The following KPNA7 variants were observed in gnomAD, a reference collection of about 807,000 sequenced individuals.
The protein encoded by KPNA7 is importin subunit alpha-8.
In KPNA7, 54 loss-of-function variants were observed where a neutral mutation model predicts 53.7. The observed-to-expected ratio is 1.01, with a 90% confidence interval of 0.81 to 1.26. KPNA7 has a LOEUF of 1.26. Among genes scored for constraint, KPNA7 ranks in the 50% most tolerant of loss-of-function variants. The probability of loss-of-function intolerance (pLI) is 0.00; values close to 1 mark genes in which losing one functional copy is unlikely to be tolerated. For missense variants in KPNA7, 640 were observed against 644.5 expected (o/e 0.99, Z 0.07); for synonymous variants, 276 against 259.3 (o/e 1.06, Z -0.62).
chr7:99,218,694 C>A (rs1791272794), intron 1 of KPNA7, among the ~76,000 whole-genome samples: 1 of 152,218 alleles, frequency 6.6e-6, no homozygotes, highest in Non-Finnish European at 1.5e-5. Flanking sequence ...TCAACAGAGA[C>A]AACAGCCTAG....
chr7:99,196,557 C>T (rs376112515), intron 3 of KPNA7, among the ~76,000 whole-genome samples: 3 of 152,120 alleles, frequency 2.0e-5, no homozygotes, highest in Admixed American at 6.6e-5. Flanking sequence ...CAAAGGCTTG[C>T]GGCCAATTGT....
chr7:99,164,783 C>T, the KPNA7 span, among the ~76,000 whole-genome samples: 8,408 of 152,160 alleles, frequency 0.055, 324 homozygotes, highest in South Asian at 0.12. Context: ...TTTCTTCTGT[C>T]CCCAGCCCCT....
At chr7:99,212,500 C>T (rs1454605158), upstream of KPNA7, among the ~76,000 whole-genome samples, 3 of 151,838 alleles carry the variant, frequency 2.0e-5, no homozygotes, top group Non-Finnish European at 2.9e-5. Context: ...GTGGCCCACC[C>T]GCCTCGGTCC....
chr7:99,193,970 G>A (rs768913762), intron 5 of KPNA7, among the ~76,000 whole-genome samples: 3 of 152,108 alleles, frequency 2.0e-5, no homozygotes, highest in East Asian at 1.9e-4. Context: ...GAGTCACTAC[G>A]CCAAGCCTCT....
At chr7:99,203,370 C>A in intron 2 of KPNA7, 130 bp from the exon 3 acceptor site, 1 of 848,684 alleles carries the variant, frequency 1.2e-6, no homozygotes, top group Admixed American at 2.5e-5. Flanking sequence ...TCAGATCACA[C>A]AGTTAGTAAA....
At chr7:99,152,645 A>G in the KPNA7 span, among the ~76,000 whole-genome samples, 1 of 152,216 alleles carries the variant, frequency 6.6e-6, no homozygotes, top group Admixed American at 6.5e-5. Context: ...TATCTTTGGT[A>G]ACTTTATTTC....
chr7:99,217,423 C>T (rs373486964), intron 1 of KPNA7, among the ~76,000 whole-genome samples: 4 of 152,122 alleles, frequency 2.6e-5, no homozygotes, highest in African/African-American at 7.2e-5. Context: ...TTCGAGCTAG[C>T]GAGTCAATGA....
chr7:99,163,241 T>A, the KPNA7 span, among the ~76,000 whole-genome samples: 1 of 151,002 alleles, frequency 6.6e-6, no homozygotes, highest in Non-Finnish European at 1.5e-5. Context: ...AAAATTATTG[T>A]ATTGAAGTCA....
At chr7:99,198,375 A>C (rs1253439949) in intron 3 of KPNA7, among the ~76,000 whole-genome samples, 2 of 152,198 alleles carry the variant, frequency 1.3e-5, no homozygotes, top group Non-Finnish European at 2.9e-5. Flanking sequence ...AAAATTCAAC[A>C]AAATAGGAGG....
At chr7:99,152,813 G>A in the KPNA7 span, among the ~76,000 whole-genome samples, 1 of 152,180 alleles carries the variant, frequency 6.6e-6, no homozygotes, top group East Asian at 1.9e-4. Context: ...GGCCTGTGAT[G>A]TCTTCTCTGA....
intron 2 of KPNA7, among the ~76,000 whole-genome samples, chr7:99,204,319 C>G (rs1480128816): frequency 1.3e-5 from 2 of 151,892 alleles, no homozygotes; most frequent in Admixed American, 1.3e-4. Context: ...CTGCAGTGAG[C>G]TACGATTGTA....
intron 1 of KPNA7, among the ~76,000 whole-genome samples, chr7:99,214,307 G>A (rs1166662574): frequency 1.3e-5 from 2 of 151,640 alleles, no homozygotes; most frequent in African/African-American, 2.4e-5. Flanking sequence ...GCCAGGGATG[G>A]TGGCATGTGC....
the KPNA7 span, among the ~76,000 whole-genome samples, chr7:99,158,288 A>T: frequency 1.7e-4 from 26 of 152,122 alleles, no homozygotes; most frequent in Non-Finnish European, 2.6e-4. Flanking sequence ...TTTAAACTGG[A>T]TCAGTTTTCT....
At chr7:99,216,564 C>T (rs1412623272) in intron 1 of KPNA7, among the ~76,000 whole-genome samples, 1 of 28,828 alleles carries the variant, frequency 3.5e-5, no homozygotes, top group African/African-American at 4.9e-5. Flanking sequence ...CTTACCAACA[C>T]CCTCTTTTTT....
chr7:99,158,165 A>G, the KPNA7 span, among the ~76,000 whole-genome samples: 5 of 151,770 alleles, frequency 3.3e-5, no homozygotes, highest in African/African-American at 7.3e-5. Flanking sequence ...GATTACAGGA[A>G]TGAGCCACCA....
the KPNA7 span, among the ~76,000 whole-genome samples, chr7:99,159,667 A>T: frequency 1.3e-5 from 2 of 152,206 alleles, no homozygotes; most frequent in Non-Finnish European, 2.9e-5. Flanking sequence ...ATTTCTCTAA[A>T]AGGACTTTAT....
intron 9 of KPNA7, among the ~76,000 whole-genome samples, chr7:99,179,582 T>A (rs1206097544): frequency 6.6e-6 from 1 of 150,860 alleles, no homozygotes; most frequent in East Asian, 1.9e-4. Context: ...TTTATATTAT[T>A]TATATTTTTA....
downstream of KPNA7, among the ~76,000 whole-genome samples, chr7:99,173,062 C>CAAAAAAAAA (rs923484332): frequency 8.2e-4 from 47 of 57,102 alleles, no homozygotes; most frequent in African/African-American, 1.7e-3. Flanking sequence ...AACTCCATCT[C>CAAAAAAAAA]AAAAAAAAAA....
At chr7:99,203,488 G>T in intron 2 of KPNA7, among the ~76,000 whole-genome samples, 1 of 152,000 alleles carries the variant, frequency 6.6e-6, no homozygotes, top group Admixed American at 6.6e-5. Context: ...ACCTTGACAG[G>T]TCAGGATTCT....
Sources: gnomAD v4.1 joint callset for allele counts (sites outside exome capture counted in the v4.1 genomes callset) on GRCh38, gnomAD v4.1.1 for gene constraint, MANE v1.5 for transcripts, NCBI Gene and HGNC (gene_info 2026-07-23, HGNC 2026-07-21) for gene names.